Variants in LPP observed in about 807,000 individuals in gnomAD.
The protein encoded by LPP is lipoma-preferred partner.
Under a neutral mutation model 60.4 loss-of-function variants are expected in LPP, and 38 were observed. That is an observed-to-expected ratio of 0.63 (90% confidence interval 0.49 to 0.83). The LOEUF (loss-of-function observed/expected upper bound fraction) is 0.83. LPP is among the 40% of genes least tolerant of loss of function. LPP has a pLI of 0.00. For synonymous variants in LPP, 328 were observed against 290.8 expected (o/e 1.13, Z -1.30); for missense variants, 902 against 783.6 (o/e 1.15, Z -1.80).
chr3:188,346,364 A>G (rs1764379679), intron 3 of LPP, among the ~76,000 whole-genome samples: 1 of 148,838 alleles, frequency 6.7e-6, no homozygotes, highest in Non-Finnish European at 1.5e-5. Flanking sequence ...GGTTCAAGCA[A>G]TTCTCCTGTC....
chr3:188,648,225 A>G (rs1851452859), intron 7 of LPP, among the ~76,000 whole-genome samples: 1 of 152,146 alleles, frequency 6.6e-6, no homozygotes, highest in African/African-American at 2.4e-5. Context: ...AAAACGAGCC[A>G]TCATGTGATT....
chr3:188,611,735 G>T, intron 7 of LPP, among the ~76,000 whole-genome samples: 1 of 152,206 alleles, frequency 6.6e-6, no homozygotes, highest in East Asian at 1.9e-4. Context: ...GCAAAACTAT[G>T]TGTCTTGATG....
At chr3:188,566,138 A>G (rs1832084165) in intron 6 of LPP, among the ~76,000 whole-genome samples, 1 of 151,992 alleles carries the variant, frequency 6.6e-6, no homozygotes. Context: ...TTGATGAGGA[A>G]AAATTTGAAA....
intron 9 of LPP, among the ~76,000 whole-genome samples, chr3:188,815,410 G>A (rs1446285411): frequency 6.6e-6 from 1 of 152,020 alleles, no homozygotes; most frequent in Non-Finnish European, 1.5e-5. Flanking sequence ...TATAGGTTTG[G>A]TTTTAAAGCA....
intron 2 of LPP, among the ~76,000 whole-genome samples, chr3:188,240,637 T>TA (rs978907258): frequency 6.6e-6 from 1 of 152,128 alleles, no homozygotes; most frequent in East Asian, 1.9e-4. Context: ...AACTTTCATA[T>TA]AAAAAAGCGT....
intron 1 of LPP, among the ~76,000 whole-genome samples, chr3:188,157,530 A>G (rs911604361): frequency 3.4e-4 from 51 of 152,170 alleles, no homozygotes; most frequent in Non-Finnish European, 6.5e-4. Context: ...ATTAAGCAGA[A>G]AAAAGACAGG....
chr3:188,386,676 C>G (rs953634759), intron 3 of LPP, among the ~76,000 whole-genome samples: 3 of 152,104 alleles, frequency 2.0e-5, no homozygotes, highest in African/African-American at 7.2e-5. Context: ...ACATCCAAAG[C>G]CAGTTTTCCC....
intron 8 of LPP, among the ~76,000 whole-genome samples, chr3:188,722,290 T>C (rs544885945): frequency 1.3e-5 from 2 of 152,334 alleles, no homozygotes; most frequent in African/African-American, 2.4e-5. Flanking sequence ...TGTTCAGTCA[T>C]GGTAATTGGC....
rs566835812 is a variant in LPP at position 188,453,252 on chromosome 3, T to A, written c.194-31340T>A. Among the ~76,000 whole-genome samples, 10 of 152,282 alleles carry A rather than the reference T, an allele frequency of 6.6e-5. No individual in the cohort carries two copies. The South Asian group carries it at 2.1e-3, about 32-fold the overall frequency. On this transcript the variant is annotated intron_variant, in intron 4 of 11. Coordinates refer to ENST00000617246, the MANE Select transcript of LPP (RefSeq NM_001375462.1). ...CCTTGGCTTTTCACAGGCTAGATGC[T>A]TAATGGACTCTGGAAGCCTTTATCT...
At chr3:188,272,412 C>T (rs907011606) in intron 2 of LPP, among the ~76,000 whole-genome samples, 4 of 152,134 alleles carry the variant, frequency 2.6e-5, no homozygotes, top group Non-Finnish European at 4.4e-5. Flanking sequence ...GCCTGCTCAC[C>T]GTAATATTAG....
intron 9 of LPP, among the ~76,000 whole-genome samples, chr3:188,804,643 T>C (rs1748523684): frequency 1.3e-5 from 2 of 152,076 alleles, no homozygotes; most frequent in South Asian, 4.1e-4. Flanking sequence ...TTACATTTTC[T>C]GTGAGTAGAA....
chr3:188,472,576 A>G (rs1802114448), intron 4 of LPP: 1 of 152,196 alleles, frequency 6.6e-6, no homozygotes, highest in African/African-American at 2.4e-5. Flanking sequence ...AGTGAGAAGA[A>G]TTTGAAGTCA....
At chr3:188,165,883 C>T (rs950737892) in intron 1 of LPP, among the ~76,000 whole-genome samples, 1 of 152,158 alleles carries the variant, frequency 6.6e-6, no homozygotes, top group Non-Finnish European at 1.5e-5. Context: ...CAGCGTAACA[C>T]TGAGGTGATC....
intron 2 of LPP, among the ~76,000 whole-genome samples, chr3:188,266,622 C>G (rs1456311447): frequency 1.3e-5 from 2 of 152,026 alleles, no homozygotes; most frequent in Admixed American, 6.6e-5. Context: ...TTAATGGCTT[C>G]CATAAGTCAC....
chr3:188,614,165 G>A (rs750589407), intron 7 of LPP, among the ~76,000 whole-genome samples: 3 of 152,004 alleles, frequency 2.0e-5, no homozygotes, highest in Middle Eastern at 3.2e-3. Flanking sequence ...CTGACCTCAC[G>A]TAATCTACCC....
chr3:188,498,871 A>G (rs1412971411), intron 5 of LPP, among the ~76,000 whole-genome samples: 2 of 152,008 alleles, frequency 1.3e-5, no homozygotes, highest in African/African-American at 4.8e-5. Flanking sequence ...AGCTCATTGT[A>G]GTTTTGATTT....
chr3:188,162,374 T>C (rs12637043), intron 1 of LPP, among the ~76,000 whole-genome samples: 27,516 of 152,118 alleles, frequency 0.18, 3,443 homozygotes, highest in East Asian at 0.46. Context: ...TCCTTAACTT[T>C]TGCAAATGAG....
intron 8 of LPP, among the ~76,000 whole-genome samples, chr3:188,749,237 A>T (rs914338383): frequency 6.6e-6 from 1 of 152,188 alleles, no homozygotes; most frequent in Non-Finnish European, 1.5e-5. Flanking sequence ...TACTTGAGGT[A>T]GGGCACCTGG....
At chr3:188,681,232 G>T (rs1859435431) in intron 7 of LPP, among the ~76,000 whole-genome samples, 1 of 152,114 alleles carries the variant, frequency 6.6e-6, no homozygotes, top group Non-Finnish European at 1.5e-5. Context: ...TTGACCTCGT[G>T]ATCCACCCAC....
Sources: gnomAD v4.1 joint callset for allele counts (sites outside exome capture counted in the v4.1 genomes callset) on GRCh38, gnomAD v4.1.1 for gene constraint, MANE v1.5 for transcripts, NCBI Gene and HGNC (gene_info 2026-07-23, HGNC 2026-07-21) for gene names.